ZBTB20: variants seen among roughly 807,000 people sequenced by gnomAD.
ZBTB20 encodes the protein zinc finger and BTB domain containing 20.
Under a neutral mutation model 56.9 loss-of-function variants are expected in ZBTB20, and 9 were observed. The ratio of observed to expected loss-of-function variants is 0.16; its 90% CI spans 0.10 to 0.28. The LOEUF (loss-of-function observed/expected upper bound fraction) is 0.28. Ranked by LOEUF, ZBTB20 falls within the 10% of genes least tolerant of loss-of-function variation. ZBTB20 has a pLI of 1.00. For missense variants in ZBTB20, 655 were observed against 1,003.0 expected (o/e 0.65, Z 4.69); for synonymous variants, 417 against 420.7 (o/e 0.99, Z 0.11).
At chr3:114,987,192 A>G (rs1392917022) in intron 2 of ZBTB20, among the ~76,000 whole-genome samples, 1 of 152,142 alleles carries the variant, frequency 6.6e-6, no homozygotes, top group Non-Finnish European at 1.5e-5. Flanking sequence ...AGTATTCAAT[A>G]AATAAAACCA....
chr3:114,442,951 T>C (rs1462583265), intron 7 of ZBTB20, among the ~76,000 whole-genome samples: 1 of 152,170 alleles, frequency 6.6e-6, no homozygotes, highest in East Asian at 1.9e-4. Flanking sequence ...CTGAACTGCA[T>C]TTACCATTGA....
At chr3:114,773,207 T>C (rs2069344693) in intron 5 of ZBTB20, among the ~76,000 whole-genome samples, 2 of 152,184 alleles carry the variant, frequency 1.3e-5, no homozygotes, top group Admixed American at 1.3e-4. Context: ...ATTTTGGCCT[T>C]GTAAAGCCTA....
chr3:114,380,334 T>C lies in ZBTB20; in HGVS notation c.82A>G (p.Ser28Gly). Residue 28 changes from serine to glycine, a missense_variant, in exon 10 of 12, where the codon AGC (serine) becomes GGC (glycine). Around this residue, in one of 10 missense-constraint regions of ZBTB20, gnomAD observed 79 missense variants for 78.4 expected, o/e 1.01. Coordinates refer to ENST00000675478, the MANE Select transcript of ZBTB20 (RefSeq NM_001348800.3). ...AGGCAGGGAAGGCCCGGCTTGGCGC[T>C]GGATCCACCCGGCTGAGTAATCTCA... ...ENEITQPGGS[S>G]AKPGLPCLNF... 1 of 1,537,210 alleles carries C rather than the reference T, an allele frequency of 6.5e-7. No homozygotes were observed. The highest frequency in any genetic ancestry group is 8.7e-7 in the Non-Finnish European group (1 of 1,146,884).
At chr3:114,883,030 T>C (rs985295457) in intron 4 of ZBTB20, among the ~76,000 whole-genome samples, 1 of 152,222 alleles carries the variant, frequency 6.6e-6, no homozygotes, top group Non-Finnish European at 1.5e-5. Context: ...TGGGATTTCA[T>C]TTCCTCATTT....
intron 2 of ZBTB20, among the ~76,000 whole-genome samples, chr3:115,039,126 A>T (rs1296558754): frequency 1.3e-5 from 2 of 152,050 alleles, no homozygotes; most frequent in African/African-American, 2.4e-5. Flanking sequence ...ACAGAATAAC[A>T]GTATCTAGAA....
At position 114,510,436 on chromosome 3, in the gene ZBTB20, A is replaced by T. The variant is rs2045216093; in HGVS notation, c.-294-10045T>A. 2.0e-5 allele frequency among the ~76,000 whole-genome samples: 3 copies of T among 151,240 alleles called. No individual in the cohort carries two copies. In the South Asian group the frequency reaches 6.3e-4, roughly 32 times the overall value. On this transcript the variant is annotated intron_variant, in intron 6 of 11. Transcript: ENST00000675478. ...GCACATGCATGGTTCCTCCTGCATG[A>T]TTTGGTCTGGAGGAAGTGACCCACC...
intron 7 of ZBTB20, among the ~76,000 whole-genome samples, chr3:114,467,881 T>C (rs2092613214): frequency 1.3e-5 from 2 of 152,216 alleles, no homozygotes; most frequent in South Asian, 4.1e-4. Context: ...GGTATTGTGC[T>C]AAACGCTGGG....
chr3:114,541,274 T>C (rs964872129), intron 6 of ZBTB20, among the ~76,000 whole-genome samples: 3 of 152,162 alleles, frequency 2.0e-5, no homozygotes, highest in Non-Finnish European at 2.9e-5. Context: ...GAGCTTCTAA[T>C]TGCACAAAAG....
In ZBTB20 at chr3:114,418,341, C is replaced by G. The variant is rs536727342; in HGVS notation, c.-254-29236G>C. ...TTTAGAACTGAGACCAACTTTTCTT[C>G]TGACATTTGACCTGGGAGAGTTTCT... On this transcript the variant is annotated intron_variant, in intron 7 of 11. Transcript: ENST00000675478. Among the ~76,000 whole-genome samples, 4 of 152,162 alleles carry G rather than the reference C, an allele frequency of 2.6e-5. No individual in the cohort carries two copies. The East Asian group carries it at 7.7e-4, about 29-fold the overall frequency.
At chr3:114,998,887 A>T (rs753253813) in intron 2 of ZBTB20, among the ~76,000 whole-genome samples, 38 of 151,492 alleles carry the variant, frequency 2.5e-4, no homozygotes, top group Non-Finnish European at 8.9e-5. Context: ...TAAGATAAAG[A>T]TGTGGCTGTA....
intron 11 of ZBTB20, 93 bp downstream of exon 11, chr3:114,350,181 T>A (rs1312930666): frequency 1.3e-6 from 2 of 1,500,352 alleles, no homozygotes; most frequent in East Asian, 4.6e-5. Context: ...TGAAAGATGA[T>A]CCCAAACCTT....
intron 7 of ZBTB20, among the ~76,000 whole-genome samples, chr3:114,485,042 T>C (rs961099121): frequency 6.6e-6 from 1 of 152,184 alleles, no homozygotes; most frequent in Non-Finnish European, 1.5e-5. Flanking sequence ...TGGAAGATGG[T>C]AAGGACTCCT....
At chr3:114,660,451 T>C (rs2060658231) in intron 6 of ZBTB20, among the ~76,000 whole-genome samples, 1 of 152,182 alleles carries the variant, frequency 6.6e-6, no homozygotes, top group African/African-American at 2.4e-5. Context: ...CTACCTGCCA[T>C]GGGCTTCTAG....
At chr3:114,577,557 C>T (rs2054215299) in intron 6 of ZBTB20, among the ~76,000 whole-genome samples, 1 of 152,150 alleles carries the variant, frequency 6.6e-6, no homozygotes, top group African/African-American at 2.4e-5. Flanking sequence ...GCCCATGGTG[C>T]TGAAGCCATA....
intron 3 of ZBTB20, among the ~76,000 whole-genome samples, chr3:114,972,229 A>G (rs1488818724): frequency 6.6e-6 from 1 of 152,246 alleles, no homozygotes; most frequent in African/African-American, 2.4e-5. Flanking sequence ...CATTAAAGTG[A>G]GTCCATTTCA....
intron 6 of ZBTB20, among the ~76,000 whole-genome samples, chr3:114,534,059 A>G (rs142456664): frequency 6.6e-6 from 1 of 152,304 alleles, no homozygotes; most frequent in African/African-American, 2.4e-5. Context: ...GACCATCGAC[A>G]CTATGAAGAA....
At chr3:114,931,733 A>G (rs187807037) in intron 3 of ZBTB20, among the ~76,000 whole-genome samples, 2 of 151,968 alleles carry the variant, frequency 1.3e-5, no homozygotes, top group Admixed American at 1.3e-4. Context: ...TTTTCTCAAC[A>G]TGCCTTTAAA....
At chr3:115,019,104 C>T (rs73228393) in intron 2 of ZBTB20, among the ~76,000 whole-genome samples, 2,025 of 151,324 alleles carry the variant, frequency 0.013, 34 homozygotes, top group South Asian at 0.024. Context: ...ACTTTACCTA[C>T]CCTGACTAAA....
chr3:114,720,309 T>C (rs1434960910), intron 5 of ZBTB20, among the ~76,000 whole-genome samples: 1 of 151,232 alleles, frequency 6.6e-6, no homozygotes, highest in Non-Finnish European at 1.5e-5. Context: ...ACCTCGTACT[T>C]GTAAAGCTTT....
Sources: gnomAD v4.1 joint callset for allele counts (sites outside exome capture counted in the v4.1 genomes callset) on GRCh38, gnomAD v4.1.1 for gene constraint, gnomAD v4.1.1 regional missense constraint, MANE v1.5 for transcripts, NCBI Gene and HGNC (gene_info 2026-07-23, HGNC 2026-07-21) for gene names.